EDIL3: variants seen among roughly 807,000 people sequenced by gnomAD.
EDIL3 encodes EGF like and discoidin domains 3, also known as EGF-like repeat and discoidin I-like domain-containing protein 3.
EDIL3 carries 37 observed loss-of-function variants against 67.4 expected under a neutral mutation model. That is an observed-to-expected ratio of 0.55 (90% CI 0.42 to 0.72). The LOEUF (loss-of-function observed/expected upper bound fraction) is 0.72. Ranked by LOEUF, EDIL3 falls within the 30% of genes least tolerant of loss-of-function variation. The pLI is 0.00. For missense variants in EDIL3, 527 were observed against 586.3 expected (o/e 0.90, Z 1.04); for synonymous variants, 195 against 196.3 (o/e 0.99, Z 0.05).
At chr5:84,181,357 C>T (rs1233274612) in intron 3 of EDIL3, 1 of 152,204 alleles carries the variant, frequency 6.6e-6, no homozygotes, top group Non-Finnish European at 1.5e-5. Flanking sequence ...TAAGGCCAGG[C>T]TCCCCAGCCA....
chr5:84,086,029 T>G (rs1747062717), intron 6 of EDIL3, among the ~76,000 whole-genome samples: 1 of 152,248 alleles, frequency 6.6e-6, no homozygotes, highest in South Asian at 2.1e-4. Context: ...TCAACCCAGG[T>G]GGACTTCATT....
chr5:84,377,402 G>A (rs1747991200), intron 1 of EDIL3, among the ~76,000 whole-genome samples: 1 of 151,502 alleles, frequency 6.6e-6, no homozygotes, highest in African/African-American at 2.4e-5. Context: ...TACAGAGAGG[G>A]ATCTGTCCAT....
chr5:84,256,445 G>A (rs1053538670), intron 1 of EDIL3, among the ~76,000 whole-genome samples: 17 of 152,164 alleles, frequency 1.1e-4, no homozygotes, highest in African/African-American at 4.1e-4. Flanking sequence ...GTGCTATCAG[G>A]TGATGAAGAG....
chr5:84,382,589 A>G (rs944446577), intron 1 of EDIL3, among the ~76,000 whole-genome samples: 1 of 152,132 alleles, frequency 6.6e-6, no homozygotes, highest in Non-Finnish European at 1.5e-5. Context: ...GAAGAGAAGG[A>G]GGAGAGGGGA....
At chr5:84,297,053 G>A (rs180951843) in intron 1 of EDIL3, among the ~76,000 whole-genome samples, 3 of 151,726 alleles carry the variant, frequency 2.0e-5, no homozygotes, top group Non-Finnish European at 4.4e-5. Context: ...ATGGAAGGGG[G>A]TGCCAATAGT....
chr5:84,224,279 T>C (rs1171947723), intron 3 of EDIL3, among the ~76,000 whole-genome samples: 1 of 151,510 alleles, frequency 6.6e-6, no homozygotes, highest in Non-Finnish European at 1.5e-5. Context: ...AATGATTTCC[T>C]TGTGATAAAT....
chr5:84,261,137 T>C (rs2112084281), intron 1 of EDIL3, among the ~76,000 whole-genome samples: 1 of 152,274 alleles, frequency 6.6e-6, no homozygotes, highest in African/African-American at 2.4e-5. Flanking sequence ...AACCAATCTA[T>C]AGACAGAATA....
intron 1 of EDIL3, among the ~76,000 whole-genome samples, chr5:84,306,228 G>T (rs777548339): frequency 1.3e-5 from 2 of 152,158 alleles, no homozygotes; most frequent in Admixed American, 6.5e-5. Flanking sequence ...ATTGGCTTAA[G>T]CTAAGCACTA....
intron 10 of EDIL3, among the ~76,000 whole-genome samples, chr5:83,961,456 C>T (rs1744606306): frequency 6.6e-6 from 1 of 151,168 alleles, no homozygotes. Context: ...AATTAAATTA[C>T]TCACATATGA....
Position 84,288,617 on chromosome 5 carries a change from C to T in EDIL3, c.68-34405G>A, listed in dbSNP as rs1393016281. On this transcript the variant is annotated intron_variant, in intron 1 of 10. Coordinates refer to ENST00000296591, the MANE Select transcript of EDIL3 (RefSeq NM_005711.5). ...TCGTCCTGTCACCTCGGGATATTTC[C>T]ATCTAAACACTTTCCTCTGTTTGGA... Among the ~76,000 whole-genome samples the T allele has an allele frequency of 2.6e-5, 4 of 152,080 alleles. No individual in the cohort carries two copies. The South Asian group carries it at 8.3e-4, about 31-fold the overall frequency.
At chr5:84,101,512 C>T (rs1047794957) in intron 6 of EDIL3, among the ~76,000 whole-genome samples, 13 of 151,884 alleles carry the variant, frequency 8.6e-5, no homozygotes, top group Admixed American at 6.6e-5. Context: ...AAAAGAGATA[C>T]TACTAATAAC....
At chr5:83,963,782 A>T (rs1744646068) in intron 9 of EDIL3, among the ~76,000 whole-genome samples, 1 of 151,636 alleles carries the variant, frequency 6.6e-6, no homozygotes, top group Admixed American at 6.6e-5. Flanking sequence ...CATTTCAATG[A>T]AAATAAAAAT....
chr5:84,328,344 T>C (rs1314182407), intron 1 of EDIL3, among the ~76,000 whole-genome samples: 1 of 151,842 alleles, frequency 6.6e-6, no homozygotes, highest in Non-Finnish European at 1.5e-5. Context: ...CCAAAATGCT[T>C]CCCCCCGTCA....
At position 84,312,602 on chromosome 5, in the gene EDIL3, C is replaced by T. The variant is rs570801952; in HGVS notation, c.68-58390G>A. Among the ~76,000 whole-genome samples, 309 of 135,608 alleles carry T rather than the reference C, an allele frequency of 2.3e-3. 2 individuals are homozygous for T. The highest frequency in any genetic ancestry group is 7.7e-3 in the African/African-American group (288 of 37,212). The allele number at this position is 135,608 out of a possible 152,430, so 89.0% of individuals were successfully genotyped here. A position where few individuals can be genotyped will look rare whatever the true frequency, so the allele number is the denominator to read the frequency against. ...CTCCCGGACGGGGCGGCTGGCCGGG[C>T]GGGGGGCTGACCCCCCCACCTCCTT... On this transcript the variant is annotated intron_variant, in intron 1 of 10. Transcript: ENST00000296591.
At chr5:84,039,344 GA>G (rs1746079121) in intron 9 of EDIL3, among the ~76,000 whole-genome samples, 1 of 152,036 alleles carries the variant, frequency 6.6e-6, no homozygotes, top group South Asian at 2.1e-4. Context: ...GGATCCAAAG[GA>G]TTCATCTGAT....
chr5:84,160,744 T>TTC lies in EDIL3; in HGVS notation c.355+19648_355+19649insGA, dbSNP rs140316379. 5.4e-3 allele frequency among the ~76,000 whole-genome samples: 541 copies of TTC among 100,088 alleles called. 16 individuals are homozygous for TTC. Among genetic ancestry groups the TTC allele is most frequent in the Middle Eastern group, 0.024 (5 of 208 alleles). 65.7% of individuals were successfully genotyped at this position (100,088 alleles called of 152,430 possible). ...TTTTCTTCTTTTTTTTCTTTTCTTT[T>TTC]CTTTCCTTTCCTTTCCTTTCCTTTC... On this transcript the variant is annotated intron_variant, in intron 4 of 10. Transcript: ENST00000296591.
At chr5:84,124,656 T>C (rs1379844501) in intron 5 of EDIL3, among the ~76,000 whole-genome samples, 2 of 151,716 alleles carry the variant, frequency 1.3e-5, no homozygotes, top group South Asian at 2.1e-4. Context: ...ACTTTGTATA[T>C]TGTTAGGTTA....
At chr5:84,031,117 A>G (rs1002706945) in intron 9 of EDIL3, among the ~76,000 whole-genome samples, 2 of 152,064 alleles carry the variant, frequency 1.3e-5, no homozygotes, top group African/African-American at 4.8e-5. Context: ...GTCATATTAG[A>G]CTTGGGCTTA....
chr5:84,050,684 A>G (rs528946303), intron 9 of EDIL3, among the ~76,000 whole-genome samples: 13 of 152,322 alleles, frequency 8.5e-5, no homozygotes, highest in African/African-American at 2.9e-4. Context: ...CCTGGCTCAG[A>G]GGGTCCCACG....
Sources: allele counts gnomAD v4.1 joint callset (sites outside exome capture counted in the v4.1 genomes callset), GRCh38; gene constraint gnomAD v4.1.1; transcripts MANE v1.5; gene names NCBI Gene and HGNC (gene_info 2026-07-23, HGNC 2026-07-21).